The following AP1B1 variants were observed in gnomAD, a reference collection of about 807,000 sequenced individuals.
AP1B1 encodes AP-1 complex subunit beta-1.
In AP1B1, 36 loss-of-function variants were observed where a neutral mutation model predicts 104.3. The observed-to-expected ratio is 0.35, with a 90% CI of 0.26 to 0.46. The LOEUF (loss-of-function observed/expected upper bound fraction) is 0.46, where lower values mean the gene tolerates loss of function less well. Ranked by LOEUF, AP1B1 falls within the 20% of genes least tolerant of loss-of-function variation. AP1B1 has a pLI of 1.00. For synonymous variants in AP1B1, 504 were observed against 517.5 expected (o/e 0.97, Z 0.35); for missense variants, 901 against 1,247.9 (o/e 0.72, Z 4.19).
rs2061510929 is a variant in AP1B1, at chr22:29,328,599, G to A, written c.*222C>T. The A allele has an allele frequency of 3.6e-6, 2 of 550,324 alleles. No individual in the cohort carries two copies. Among genetic ancestry groups the A allele is most frequent in the South Asian group, 4.3e-5 (2 of 46,986 alleles). The allele number at this position is 550,324 out of a possible 1,614,324, so 34.1% of individuals were successfully genotyped here. A position where few individuals can be genotyped will look rare whatever the true frequency, so the allele number is the denominator to read the frequency against. ...ACTTAACCCCACATCACAGCCACAG[G>A]AGCAGGGGTGTCCCAGAGCACGGGA... On this transcript the variant is annotated 3_prime_UTR_variant, in exon 23 of 23. Transcript: ENST00000357586. This position sits in a 1 kb window ranked among gnomAD's most constrained non-coding sequence, Gnocchi z 4.1.
rs144428947 is a variant in AP1B1 at position 29,383,128 on chromosome 22, G to A, written c.-28+5296C>T. 2.5e-4 allele frequency among the ~76,000 whole-genome samples: 38 copies of A among 152,268 alleles called. 1 individual carries two copies. In the East Asian group the frequency reaches 5.4e-3, roughly 22 times the overall value. On this transcript the variant is annotated intron_variant, in intron 1 of 22. Transcript: ENST00000357586. Reference sequence around the variant, plus strand: ...ACCTATCAGCATAGGCCAGCACCAGGCATTAGCAGGCCTCGATAAATACTG... The same window carrying A: ...ACCTATCAGCATAGGCCAGCACCAGACATTAGCAGGCCTCGATAAATACTG...
In AP1B1 at chr22:29,331,384, C is replaced by A. The variant is rs554863740; in HGVS notation, c.2524+65G>T. 1.7e-4 allele frequency: 262 copies of A among 1,521,160 alleles called. 3 individuals carry two copies. The South Asian group carries it at 2.7e-3, about 16-fold the overall frequency. The allele number at this position is 1,521,160 out of a possible 1,614,324, so 94.2% of individuals were successfully genotyped here. ...CATCTGGACCTTGGTAAAGGCACCA[C>A]CTTGGCCAGGTTCCCAAGCCACAGC... On this transcript the variant is annotated intron_variant, in intron 19 of 22. Coordinates refer to ENST00000357586, the MANE Select transcript of AP1B1 (RefSeq NM_001127.4).
intron 1 of AP1B1, among the ~76,000 whole-genome samples, chr22:29,373,508 A>G (rs185686578): frequency 3.9e-5 from 6 of 152,310 alleles, no homozygotes; most frequent in Non-Finnish European, 7.3e-5. Context: ...GAAAGTGGGC[A>G]TGAAGGGCCC....
At position 29,341,638 on chromosome 22, in the gene AP1B1, G is replaced by A. The variant is rs145062103; in HGVS notation, c.1659C>T (p.Asp553=). ...AEKPLISEET[D]LIEPTLLDEL... is the part of the protein sequence containing the mutation. ...CGTCTAACAGTGTGGGCTCGATGAG[G>A]TCCGTCTCTTCAGAGATGAGTGGCT... is the stretch of plus-strand genomic sequence containing the variant. The change falls in exon 13 of 23, where the codon GAC becomes GAT. Residue 553 remains aspartate, a synonymous_variant. Transcript: ENST00000357586. 1.9e-6 allele frequency: 3 copies of A among 1,614,128 alleles called. No individual in the cohort carries two copies. In the African/African-American group the frequency reaches 4.0e-5, roughly 22 times the overall value.
chr22:29,329,795 A>C, intron 21 of AP1B1, 75 bp from the exon 22 acceptor site: 1 of 1,603,154 alleles, frequency 6.2e-7, no homozygotes, highest in East Asian at 2.2e-5. Context: ...CCACCACCGA[A>C]GCCACGCCAC....
At chr22:29,339,421 C>T (rs953455007) in intron 15 of AP1B1, among the ~76,000 whole-genome samples, 4 of 152,136 alleles carry the variant, frequency 2.6e-5, no homozygotes, top group African/African-American at 9.7e-5. Context: ...GGTCCCAAGA[C>T]ACACGGCTGG....
chr22:29,366,881 C>CACACAA (rs2062150059), intron 2 of AP1B1, among the ~76,000 whole-genome samples: 1 of 140,414 alleles, frequency 7.1e-6, no homozygotes, highest in African/African-American at 2.6e-5. Flanking sequence ...CACACACACA[C>CACACAA]AACTGCTGTG....
chr22:29,351,074 C>T (rs2061866532), intron 9 of AP1B1, 97 bp downstream of exon 9: 6 of 1,254,754 alleles, frequency 4.8e-6, no homozygotes, highest in Non-Finnish European at 6.8e-6. Context: ...CTTCCCAGAC[C>T]ACAAGCAAGC....
At chr22:29,339,672 GC>G in intron 15 of AP1B1, 81 bp downstream of exon 15, 2 of 1,472,000 alleles carry the variant, frequency 1.4e-6, no homozygotes, top group Non-Finnish European at 9.3e-7. Flanking sequence ...GACATCACCC[GC>G]CCCCGCCCCT....
chr22:29,351,696 G>A lies in AP1B1; in HGVS notation c.1059+9C>T, dbSNP rs774636017. 4.3e-5 allele frequency: 70 copies of A among 1,613,354 alleles called. No individual in the cohort carries two copies. The highest frequency in any genetic ancestry group is 5.5e-5 in the Non-Finnish European group (65 of 1,179,904). ...TGAGCCCGTGTCCTGACCATCACACGCAGCTGACCTGGGCGATGTTGGCCT... is the reference window on the plus strand; with the variant it reads ...TGAGCCCGTGTCCTGACCATCACACACAGCTGACCTGGGCGATGTTGGCCT... On this transcript the variant is annotated intron_variant, in intron 8 of 22. Coordinates refer to ENST00000357586, the MANE Select transcript of AP1B1 (RefSeq NM_001127.4).
intron 13 of AP1B1, 90 bp downstream of exon 13, chr22:29,341,410 TG>T: frequency 6.6e-7 from 1 of 1,506,014 alleles, no homozygotes. Context: ...CAGGTCTTGC[TG>T]GGGGACAACA....
chr22:29,376,385 C>A (rs918646231), intron 1 of AP1B1, among the ~76,000 whole-genome samples: 1 of 152,118 alleles, frequency 6.6e-6, no homozygotes, highest in African/African-American at 2.4e-5. Flanking sequence ...AGGAGACCAT[C>A]AGTGTGGTGA....
chr22:29,365,461 C>T (rs954060402), intron 2 of AP1B1, among the ~76,000 whole-genome samples: 26 of 152,186 alleles, frequency 1.7e-4, no homozygotes, highest in Non-Finnish European at 2.6e-4. Context: ...CATTGCACTC[C>T]AGCCTGGGTG....
intron 15 of AP1B1, 107 bp from the exon 16 acceptor site, chr22:29,339,240 G>T (rs2061679358): frequency 3.1e-6 from 4 of 1,303,158 alleles, no homozygotes; most frequent in Non-Finnish European, 4.3e-6. Context: ...GGGGGCAGGG[G>T]GCAGGACAGC....
At chr22:29,364,714 A>ATT (rs962437470) in intron 2 of AP1B1, among the ~76,000 whole-genome samples, 1 of 105,106 alleles carries the variant, frequency 9.5e-6, no homozygotes, top group African/African-American at 3.7e-5. Flanking sequence ...ACGCCCGGCC[A>ATT]TTTTTTTTTT....
At chr22:29,370,601 A>C (rs1352599555) in intron 1 of AP1B1, 1 of 152,220 alleles carries the variant, frequency 6.6e-6, no homozygotes, top group Non-Finnish European at 1.5e-5. Context: ...CTGCAGGCCC[A>C]ATACAACATC....
intron 2 of AP1B1, among the ~76,000 whole-genome samples, chr22:29,366,912 T>C (rs1297860654): frequency 6.6e-6 from 1 of 152,010 alleles, no homozygotes; most frequent in Non-Finnish European, 1.5e-5. Context: ...TAGGATTCTG[T>C]GTTTTCTTTC....
At chr22:29,329,802 C>A in intron 21 of AP1B1, 82 bp from the exon 22 acceptor site, 1 of 1,593,266 alleles carries the variant, frequency 6.3e-7, no homozygotes. Flanking sequence ...CGAAGCCACG[C>A]CACAGCCCCC....
chr22:29,356,349 A>T, intron 6 of AP1B1, 77 bp downstream of exon 6: 1 of 1,451,144 alleles, frequency 6.9e-7, no homozygotes, highest in South Asian at 1.3e-5. Flanking sequence ...CTAAGGCCCA[A>T]GGCCCAGTGC....
Sources: allele counts gnomAD v4.1 joint callset (sites outside exome capture counted in the v4.1 genomes callset), GRCh38; gene constraint gnomAD v4.1.1; non-coding constraint Gnocchi (gnomAD v3.1); transcripts MANE v1.5; gene names NCBI Gene and HGNC (gene_info 2026-07-23, HGNC 2026-07-21).